Variants in AGBL4 observed in about 807,000 individuals in gnomAD.
AGBL4 encodes cytosolic carboxypeptidase 6.
A neutral mutation model predicts 66.4 loss-of-function variants in AGBL4; 58 were observed. That is an observed-to-expected ratio of 0.87 (90% CI 0.71 to 1.09). The LOEUF (loss-of-function observed/expected upper bound fraction) is 1.09. AGBL4 is among the 50% of genes least tolerant of loss of function. AGBL4 has a pLI of 0.00. For synonymous variants in AGBL4, 234 were observed against 222.9 expected (o/e 1.05, Z -0.44); for missense variants, 579 against 631.0 (o/e 0.92, Z 0.88).
At chr1:49,460,467 AT>A (rs1263357795) in intron 3 of AGBL4, among the ~76,000 whole-genome samples, 1 of 151,306 alleles carries the variant, frequency 6.6e-6, no homozygotes, top group African/African-American at 2.4e-5. Context: ...TTTTCCTTAG[AT>A]TTATGTGAGT....
chr1:48,718,666 G>C (rs566228618), intron 6 of AGBL4, among the ~76,000 whole-genome samples: 2 of 152,264 alleles, frequency 1.3e-5, no homozygotes, highest in East Asian at 3.9e-4. Context: ...TCCCCACCTG[G>C]AGTGCTCTGA....
At chr1:49,651,854 T>A (rs1431200284) in intron 3 of AGBL4, among the ~76,000 whole-genome samples, 2 of 152,010 alleles carry the variant, frequency 1.3e-5, no homozygotes, top group Non-Finnish European at 2.9e-5. Context: ...CTACAATGGA[T>A]CCTGACCAAA....
At chr1:49,021,438 G>A (rs1258744272) in intron 5 of AGBL4, among the ~76,000 whole-genome samples, 2 of 152,212 alleles carry the variant, frequency 1.3e-5, no homozygotes, top group East Asian at 3.9e-4. Context: ...GAGTCTTTGG[G>A]AGGTAATGAA....
At chr1:49,561,011 G>A (rs981603154) in intron 3 of AGBL4, among the ~76,000 whole-genome samples, 1 of 152,076 alleles carries the variant, frequency 6.6e-6, no homozygotes, top group Non-Finnish European at 1.5e-5. Flanking sequence ...CTAATCACCT[G>A]AAGGTACAAA....
chr1:50,018,103 T>A (rs1337469765), intron 1 of AGBL4, among the ~76,000 whole-genome samples: 1 of 152,198 alleles, frequency 6.6e-6, no homozygotes, highest in East Asian at 1.9e-4. Flanking sequence ...AAATATTTAT[T>A]TAGGAATTGA....
intron 3 of AGBL4, among the ~76,000 whole-genome samples, chr1:49,361,119 G>A (rs1471463562): frequency 6.6e-6 from 1 of 152,086 alleles, no homozygotes; most frequent in Non-Finnish European, 1.5e-5. Context: ...CTGTGTATTT[G>A]AATAGTGGGT....
At chr1:49,883,697 T>C (rs1424059914) in intron 1 of AGBL4, among the ~76,000 whole-genome samples, 2 of 152,076 alleles carry the variant, frequency 1.3e-5, no homozygotes, top group Admixed American at 6.5e-5. Context: ...GGTCATGTTG[T>C]ATTCTAAGTC....
chr1:49,718,860 T>C (rs1318463795), intron 2 of AGBL4, among the ~76,000 whole-genome samples: 2 of 152,098 alleles, frequency 1.3e-5, no homozygotes, highest in African/African-American at 2.4e-5. Context: ...AAAAACTACA[T>C]AAAATAATTT....
chr1:48,621,376 A>G (rs1300578999), intron 9 of AGBL4, among the ~76,000 whole-genome samples: 2 of 152,156 alleles, frequency 1.3e-5, no homozygotes, highest in African/African-American at 2.4e-5. Context: ...AGAACCAGGC[A>G]ATGGACTCTA....
At chr1:48,638,982 C>T (rs1645712990) in intron 8 of AGBL4, among the ~76,000 whole-genome samples, 1 of 152,190 alleles carries the variant, frequency 6.6e-6, no homozygotes, top group South Asian at 2.1e-4. Context: ...AGGGCCCAGA[C>T]TAGAACTCAG....
chr1:49,376,397 T>C (rs1186947670), intron 3 of AGBL4, among the ~76,000 whole-genome samples: 1 of 152,048 alleles, frequency 6.6e-6, no homozygotes, highest in Non-Finnish European at 1.5e-5. Context: ...TGGTGGGAGA[T>C]TGGAGAGCAG....
At position 49,134,825 on chromosome 1, in the gene AGBL4, A is replaced by T. The variant is rs1366651337; in HGVS notation, c.378-89025T>A. Among the ~76,000 whole-genome samples, 4 of 152,238 alleles carry T rather than the reference A, an allele frequency of 2.6e-5. No homozygotes were observed. In the East Asian group the frequency reaches 7.8e-4, roughly 30 times the overall value. On this transcript the variant is annotated intron_variant, in intron 4 of 13. Transcript: ENST00000371839. ...GGGATTAAGAGATTAAAGTAAAGAC[A>T]GTCATAGAAATTATAAGAGTATTGA...
At chr1:49,147,907 A>G (rs1197533954) in intron 4 of AGBL4, among the ~76,000 whole-genome samples, 3 of 152,140 alleles carry the variant, frequency 2.0e-5, no homozygotes, top group African/African-American at 7.2e-5. Context: ...AGTTGCTTCC[A>G]GTATCTCCCT....
intron 1 of AGBL4, among the ~76,000 whole-genome samples, chr1:49,964,576 C>A (rs1248406679): frequency 6.6e-6 from 1 of 152,078 alleles, no homozygotes; most frequent in African/African-American, 2.4e-5. Flanking sequence ...CCACTCTTTT[C>A]TCTGTGCTTT....
At chr1:48,554,690 C>T (rs1206547697) in intron 11 of AGBL4, among the ~76,000 whole-genome samples, 1 of 151,740 alleles carries the variant, frequency 6.6e-6, no homozygotes. Context: ...TGTTGATGAC[C>T]ACGGACTATT....
intron 3 of AGBL4, among the ~76,000 whole-genome samples, chr1:49,284,656 C>G (rs902406562): frequency 6.6e-6 from 1 of 151,790 alleles, no homozygotes; most frequent in African/African-American, 2.4e-5. Context: ...CACATAGGGT[C>G]AAAATAAAAG....
At chr1:49,707,980 T>C (rs1035739263) in intron 2 of AGBL4, among the ~76,000 whole-genome samples, 4 of 152,184 alleles carry the variant, frequency 2.6e-5, no homozygotes, top group Non-Finnish European at 4.4e-5. Flanking sequence ...TGGCTGCCCT[T>C]AACATTTTTT....
intron 5 of AGBL4, among the ~76,000 whole-genome samples, chr1:49,040,803 T>C (rs1020037704): frequency 1.3e-5 from 2 of 152,046 alleles, no homozygotes; most frequent in Admixed American, 6.6e-5. Context: ...CAAGGGAACT[T>C]TTTGAGATGA....
chr1:48,776,553 G>C, intron 6 of AGBL4: 85 of 679,670 alleles, frequency 1.3e-4, no homozygotes, highest in Middle Eastern at 5.4e-4. Flanking sequence ...GGCCCCTCCC[G>C]GGGTCCCAGC....
Sources: allele counts gnomAD v4.1 joint callset (sites outside exome capture counted in the v4.1 genomes callset), GRCh38; gene constraint gnomAD v4.1.1; transcripts MANE v1.5; gene names NCBI Gene and HGNC (gene_info 2026-07-23, HGNC 2026-07-21).